The following LRRIQ3 variants were observed in gnomAD, a reference collection of about 807,000 sequenced individuals.
LRRIQ3 encodes the protein leucine-rich repeat and IQ domain-containing protein 3.
Under a neutral mutation model 59.3 loss-of-function variants are expected in LRRIQ3, and 75 were observed. The ratio of observed to expected loss-of-function variants is 1.26; its 90% confidence interval spans 1.05 to 1.53. The LOEUF is 1.53. Among genes scored for constraint, LRRIQ3 ranks in the 40% most tolerant of loss-of-function variants. The pLI, the probability that LRRIQ3 is intolerant of heterozygous loss-of-function variation, is 0.00. For missense variants in LRRIQ3, 831 were observed against 710.0 expected, an observed-to-expected ratio of 1.17 and a Z score of -1.94; for synonymous variants, 250 against 231.3, an observed-to-expected ratio of 1.08 and a Z score of -0.73.
intron 3 of LRRIQ3, among the ~76,000 whole-genome samples, chr1:74,157,215 C>T (rs1188214037): frequency 6.6e-6 from 1 of 152,038 alleles, no homozygotes; most frequent in Non-Finnish European, 1.5e-5. Context: ...CTTCTTTTTT[C>T]ACAGAGAAAC....
At chr1:74,083,809 G>A (rs1646298142) in intron 5 of LRRIQ3, 1 of 172,242 alleles carries the variant, frequency 5.8e-6, no homozygotes, top group African/African-American at 2.4e-5. Flanking sequence ...GTAAAGAATG[G>A]TGCTTTTATT....
intron 5 of LRRIQ3, chr1:74,095,046 G>A (rs1416080789): frequency 6.6e-6 from 1 of 152,080 alleles, no homozygotes; most frequent in Admixed American, 6.6e-5. Flanking sequence ...TAAGCAGAGT[G>A]TTGCATGGCA....
At chr1:74,158,240 CCATAAAATGCACTATTG>C (rs1417740029) in intron 3 of LRRIQ3, among the ~76,000 whole-genome samples, 1 of 152,080 alleles carries the variant, frequency 6.6e-6, no homozygotes, top group Non-Finnish European at 1.5e-5. Flanking sequence ...TTTCTCCAAA[CCATAAAATGCACTATTG>C]CTAGATTGAG....
chr1:74,110,270 C>T (rs1322007583), intron 4 of LRRIQ3, among the ~76,000 whole-genome samples: 2 of 151,836 alleles, frequency 1.3e-5, no homozygotes, highest in African/African-American at 4.8e-5. Flanking sequence ...GCCTACTGGT[C>T]TAATAAGGCA....
chr1:74,191,162 A>T (rs1429074594), intron 1 of LRRIQ3, among the ~76,000 whole-genome samples: 1 of 152,188 alleles, frequency 6.6e-6, no homozygotes, highest in Non-Finnish European at 1.5e-5. Context: ...GAGATAAAAT[A>T]TATGCTTCAA....
At chr1:74,060,188 T>TTTCTTCTTCTTCTTCTTCTTC (rs1322871460) in intron 6 of LRRIQ3, among the ~76,000 whole-genome samples, 2 of 111,518 alleles carry the variant, frequency 1.8e-5, no homozygotes, top group Admixed American at 9.3e-5. Flanking sequence ...TCTTCTTCTT[T>TTTCTTCTTCTTCTTCTTCTTC]TTCTTCTTCT....
intron 6 of LRRIQ3, among the ~76,000 whole-genome samples, chr1:74,051,301 T>C (rs1290232783): frequency 6.6e-6 from 1 of 152,158 alleles, no homozygotes; most frequent in African/African-American, 2.4e-5. Flanking sequence ...TTCACACTAA[T>C]GTACAAATTG....
chr1:74,072,490 C>CAT (rs890444866), intron 6 of LRRIQ3, among the ~76,000 whole-genome samples: 215 of 149,874 alleles, frequency 1.4e-3, no homozygotes, highest in Admixed American at 4.4e-3. Flanking sequence ...CTTTTGTGCT[C>CAT]ATATATATAT....
At chr1:74,186,420 G>T (rs1650382772) in intron 1 of LRRIQ3, among the ~76,000 whole-genome samples, 1 of 152,086 alleles carries the variant, frequency 6.6e-6, no homozygotes, top group Non-Finnish European at 1.5e-5. Context: ...AAAATGAGAG[G>T]TTCTACACTT....
At chr1:74,055,260 T>G (rs983243002) in intron 6 of LRRIQ3, among the ~76,000 whole-genome samples, 4 of 150,446 alleles carry the variant, frequency 2.7e-5, no homozygotes, top group African/African-American at 9.7e-5. Flanking sequence ...TCTGACACTT[T>G]GTCACAGAAT....
At chr1:74,050,694 T>C in intron 6 of LRRIQ3, 1 of 298,334 alleles carries the variant, frequency 3.4e-6, no homozygotes, top group Non-Finnish European at 5.0e-6. Context: ...TGCACAAGCT[T>C]ATAGCCTTAT....
At chr1:74,157,081 T>C (rs1648377925) in intron 3 of LRRIQ3, among the ~76,000 whole-genome samples, 1 of 152,118 alleles carries the variant, frequency 6.6e-6, no homozygotes, top group Non-Finnish European at 1.5e-5. Context: ...CAAACACTCA[T>C]TGCTAATTAT....
chr1:74,067,511 G>T lies in LRRIQ3; in HGVS notation c.997+7150C>A, dbSNP rs79101852. On this transcript the variant is annotated intron_variant, in intron 6 of 7. Coordinates refer to ENST00000354431, the MANE Select transcript of LRRIQ3 (RefSeq NM_001105659.2). Reference sequence around the variant, plus strand: ...GAAATCAAGTGTATATTTAAGTCTTGAATGCTCAAAGGTATTTTAGGCTAA... The same window carrying T: ...GAAATCAAGTGTATATTTAAGTCTTTAATGCTCAAAGGTATTTTAGGCTAA... Among the ~76,000 whole-genome samples, 314 of 152,178 alleles carry T rather than the reference G, an allele frequency of 2.1e-3. 5 individuals are homozygous for T. The East Asian group carries it at 0.026, about 13-fold the overall frequency.
intron 5 of LRRIQ3, among the ~76,000 whole-genome samples, chr1:74,103,792 C>A (rs999495074): frequency 2.0e-5 from 3 of 151,266 alleles, no homozygotes; most frequent in Admixed American, 6.6e-5. Flanking sequence ...GTCCTTCCCC[C>A]CCCCGCCATA....
chr1:74,184,297 T>C (rs1159720482), intron 1 of LRRIQ3, among the ~76,000 whole-genome samples: 2 of 152,128 alleles, frequency 1.3e-5, no homozygotes, highest in African/African-American at 4.8e-5. Flanking sequence ...TACTTAAATT[T>C]ATCTAAAATA....
chr1:74,071,324 G>A (rs1057453333), intron 6 of LRRIQ3, among the ~76,000 whole-genome samples: 3 of 152,044 alleles, frequency 2.0e-5, no homozygotes, highest in African/African-American at 7.2e-5. Flanking sequence ...GAGCCACTGT[G>A]CCCTGCCAGG....
intron 5 of LRRIQ3, among the ~76,000 whole-genome samples, chr1:74,100,322 G>A (rs1360717875): frequency 3.9e-5 from 6 of 151,926 alleles, no homozygotes; most frequent in South Asian, 2.1e-4. Context: ...TTCAAAGAGA[G>A]TAAAATACCT....
At chr1:74,150,970 A>C (rs901081388) in intron 4 of LRRIQ3, among the ~76,000 whole-genome samples, 19 of 151,438 alleles carry the variant, frequency 1.3e-4, no homozygotes, top group African/African-American at 4.6e-4. Context: ...TGAAAGTCAC[A>C]GAAATTTAGT....
chr1:74,084,544 T>C (rs1290926115), intron 5 of LRRIQ3, among the ~76,000 whole-genome samples: 21 of 151,756 alleles, frequency 1.4e-4, no homozygotes, highest in Non-Finnish European at 3.1e-4. Context: ...GATAAATATT[T>C]AGCAGTTGAG....
Sources: gnomAD v4.1 joint callset for allele counts (sites outside exome capture counted in the v4.1 genomes callset) on GRCh38, gnomAD v4.1.1 for gene constraint, MANE v1.5 for transcripts, NCBI Gene and HGNC (gene_info 2026-07-23, HGNC 2026-07-21) for gene names.